Variants in ABL2 observed in about 807,000 individuals in gnomAD.
ABL2 encodes tyrosine-protein kinase ABL2.
A neutral mutation model predicts 107.7 loss-of-function variants in ABL2; 49 were observed. The ratio of observed to expected loss-of-function variants is 0.45; its 90% CI spans 0.36 to 0.58. ABL2 has a LOEUF of 0.58. Among genes scored for constraint, ABL2 ranks in the 20% least tolerant of loss-of-function variants. The pLI, the probability that ABL2 is intolerant of heterozygous loss-of-function variation, is 0.00. For missense variants in ABL2, 1,245 were observed against 1,457.0 expected, an observed-to-expected ratio of 0.85 and a Z score of 2.37; for synonymous variants, 549 against 548.6, an observed-to-expected ratio of 1.00 and a Z score of -0.01.
Position 179,229,565 on chromosome 1 carries a change from C to T in ABL2, c.-168G>A, listed in dbSNP as rs936617497. ...GCACCCGGCCTCCTCACGGCAGCCGCCGCGCTGCCTCCAGGCGACTCACAG... is the reference window on the plus strand; with the variant it reads ...GCACCCGGCCTCCTCACGGCAGCCGTCGCGCTGCCTCCAGGCGACTCACAG... On this transcript the variant is annotated 5_prime_UTR_variant, in exon 1 of 12. Coordinates refer to ENST00000502732, the MANE Select transcript of ABL2 (RefSeq NM_007314.4). 6.4e-6 allele frequency: 4 copies of T among 626,428 alleles called. No individual in the cohort carries two copies. The highest frequency in any genetic ancestry group is 7.5e-6 in the Non-Finnish European group (3 of 400,880). 38.8% of individuals were successfully genotyped at this position (626,428 alleles called of 1,614,324 possible). A position where few individuals can be genotyped will look rare whatever the true frequency, so the allele number is the denominator to read the frequency against.
intron 1 of ABL2, among the ~76,000 whole-genome samples, chr1:179,208,140 T>C (rs923539142): frequency 2.4e-4 from 37 of 152,196 alleles, no homozygotes; most frequent in Non-Finnish European, 2.9e-4. Flanking sequence ...AAGTGAATTG[T>C]ATATGTTATA....
In ABL2 at chr1:179,126,276, T is replaced by A; in HGVS notation, c.687+101A>T. 7.4e-7 allele frequency: 1 copy of A among 1,343,860 alleles called. No homozygotes were observed. The highest frequency in any genetic ancestry group is 1.5e-5 in the South Asian group (1 of 68,426). 83.2% of individuals were successfully genotyped at this position (1,343,860 alleles called of 1,614,324 possible). A position where few individuals can be genotyped will look rare whatever the true frequency, so the allele number is the denominator to read the frequency against. ...TCACAAAGCTAGTGAATATTTTATT[T>A]CACGTCAGACATAAAATCTATTATT... On this transcript the variant is annotated intron_variant, in intron 4 of 11. Coordinates refer to ENST00000502732, the MANE Select transcript of ABL2 (RefSeq NM_007314.4). The surrounding 1 kb of genome is among the most constrained non-coding windows in gnomAD (Gnocchi z 4.4).
chr1:179,188,793 T>C (rs1660832253), intron 1 of ABL2, among the ~76,000 whole-genome samples: 1 of 152,126 alleles, frequency 6.6e-6, no homozygotes, highest in Admixed American at 6.5e-5. Context: ...AATGTCTGAC[T>C]CTAGAATCCA....
intron 1 of ABL2, 55 bp from the exon 2 acceptor site, chr1:179,133,429 A>T: frequency 6.2e-7 from 1 of 1,613,676 alleles, no homozygotes; most frequent in East Asian, 2.2e-5. Context: ...TCAATAGTTT[A>T]ACATCAAGCT....
At chr1:179,135,396 T>G (rs1271280508) in intron 1 of ABL2, among the ~76,000 whole-genome samples, 1 of 143,768 alleles carries the variant, frequency 7.0e-6, no homozygotes. Flanking sequence ...CCGTCCGGGA[T>G]GTGAGAAGCG....
chr1:179,109,384 C>T lies in ABL2; in HGVS notation c.1883G>A (p.Arg628Lys), dbSNP rs1653820302. 3.1e-6 allele frequency: 5 copies of T among 1,614,084 alleles called. No individual in the cohort carries two copies. The highest frequency in any genetic ancestry group is 4.2e-6 in the Non-Finnish European group (5 of 1,180,014). ...CAAGAGGCTGCTGGGTGACTTGTCT[C>T]TTTGCTTTCGAGGCAGTGCTGGGGA... is the stretch of plus-strand genomic sequence containing the variant. Reference protein sequence around the residue: ...SGSPALPRKQRDKSPSSLLED... With the variant: ...SGSPALPRKQKDKSPSSLLED... The change falls in exon 12 of 12, where the codon AGA (arginine) becomes AAA (lysine). Residue 628 changes from arginine to lysine, a missense_variant. Arg to Lys is a conservative substitution (Grantham distance 26). Around this residue, in one of 3 missense-constraint regions of ABL2, gnomAD observed 761 missense variants for 766.4 expected, o/e 0.99. Transcript: ENST00000502732.
intron 6 of ABL2, among the ~76,000 whole-genome samples, chr1:179,119,842 T>C (rs1193505968): frequency 6.6e-6 from 1 of 152,232 alleles, no homozygotes; most frequent in African/African-American, 2.4e-5. Flanking sequence ...TGAGCAGTTT[T>C]ATACACCAAA....
intron 1 of ABL2, among the ~76,000 whole-genome samples, chr1:179,139,405 G>A (rs1657363027): frequency 1.3e-5 from 2 of 152,030 alleles, no homozygotes. Flanking sequence ...GAACACATCT[G>A]AACATCAGAA....
At chr1:179,111,281 C>CTTTT (rs748453531) in intron 10 of ABL2, among the ~76,000 whole-genome samples, 63 of 82,226 alleles carry the variant, frequency 7.7e-4, no homozygotes, top group African/African-American at 1.0e-3. Context: ...AGTGCTCAGT[C>CTTTT]TTTTTTTTTT....
chr1:179,182,794 G>A (rs1197504799), intron 1 of ABL2, among the ~76,000 whole-genome samples: 1 of 152,096 alleles, frequency 6.6e-6, no homozygotes, highest in African/African-American at 2.4e-5. Context: ...AGTATGCAGT[G>A]TTAGTGGAAA....
At chr1:179,137,815 A>C (rs1321746841) in intron 1 of ABL2, 1 of 152,222 alleles carries the variant, frequency 6.6e-6, no homozygotes, top group Non-Finnish European at 1.5e-5. Flanking sequence ...CAAGAACTGG[A>C]TTTCCACAGT....
At chr1:179,208,007 T>C (rs758621088) in intron 1 of ABL2, among the ~76,000 whole-genome samples, 8 of 152,164 alleles carry the variant, frequency 5.3e-5, no homozygotes, top group Non-Finnish European at 1.0e-4. Flanking sequence ...ATAGCAGTTA[T>C]CTACTTTCCC....
At chr1:179,124,337 T>TA (rs1303050155) in intron 4 of ABL2, among the ~76,000 whole-genome samples, 1 of 152,088 alleles carries the variant, frequency 6.6e-6, no homozygotes, top group Non-Finnish European at 1.5e-5. Flanking sequence ...CTCACCCATG[T>TA]AAACATCACC....
chr1:179,110,325 C>T lies in ABL2; in HGVS notation c.1782G>A (p.Gly594=). The T allele has an allele frequency of 6.2e-7, 1 of 1,614,142 alleles. No individual in the cohort carries two copies. Among genetic ancestry groups the T allele is most frequent in the Non-Finnish European group, 8.5e-7 (1 of 1,180,020 alleles). Residue 594 remains glycine, a synonymous_variant, in exon 11 of 12, where the codon GGG becomes GGA. Transcript: ENST00000502732. ...KQVENKENIE[G]AQDATENSAS... ...CAGAATTTTCTGTGGCATCTTGTGC[C>T]CCTTCAATGTTCTCCTTGTTCTCCA...
intron 1 of ABL2, among the ~76,000 whole-genome samples, chr1:179,201,022 T>C (rs944912278): frequency 1.3e-5 from 2 of 152,172 alleles, no homozygotes; most frequent in Non-Finnish European, 2.9e-5. Context: ...GAAAGAAAGG[T>C]GTTCTCTATA....
chr1:179,138,918 G>A lies in ABL2; in HGVS notation c.158-5544C>T, dbSNP rs572343411. Reference sequence around the variant, plus strand: ...AGTTCCGGGTGGGCGTGGGCTTGGCGGGCCCCGCACTCACACTCGGAGCAG... The same window carrying A: ...AGTTCCGGGTGGGCGTGGGCTTGGCAGGCCCCGCACTCACACTCGGAGCAG... On this transcript the variant is annotated intron_variant, in intron 1 of 11. Transcript: ENST00000502732. Among the ~76,000 whole-genome samples the A allele has an allele frequency of 7.2e-5, 11 of 152,304 alleles. No homozygotes were observed. The East Asian group carries it at 9.7e-4, about 13-fold the overall frequency.
chr1:179,168,668 T>G (rs1314727360), intron 1 of ABL2, among the ~76,000 whole-genome samples: 1 of 152,190 alleles, frequency 6.6e-6, no homozygotes, highest in African/African-American at 2.4e-5. Flanking sequence ...ATGCACAGAT[T>G]TATGGACTCA....
rs1278608667 is a variant in ABL2 at position 179,121,935 on chromosome 1, T to C, written c.688-68A>G. On this transcript the variant is annotated intron_variant, in intron 4 of 11. Transcript: ENST00000502732. The stretch of plus-strand genomic sequence containing the variant: ...TAAGAATTTTTTTTTTTTTTTTTTT[T>C]TTTTTTTTGAGATGGAGTCTTGTTC... 49 of 1,375,734 alleles carry C rather than the reference T, an allele frequency of 3.6e-5. 1 individual carries two copies. The highest frequency in any genetic ancestry group is 4.7e-5 in the Non-Finnish European group (49 of 1,046,746). 85.2% of individuals were successfully genotyped at this position (1,375,734 alleles called of 1,614,324 possible). A position where few individuals can be genotyped will look rare whatever the true frequency, so the allele number is the denominator to read the frequency against.
Position 179,229,534 on chromosome 1 carries a change from G to T in ABL2, c.-137C>A. 1 of 910,738 alleles carries T rather than the reference G, an allele frequency of 1.1e-6. No homozygotes were observed. The highest frequency in any genetic ancestry group is 1.5e-6 in the Non-Finnish European group (1 of 665,056). 56.4% of individuals were successfully genotyped at this position (910,738 alleles called of 1,614,324 possible). On this transcript the variant is annotated 5_prime_UTR_variant, in exon 1 of 12. Coordinates refer to ENST00000502732, the MANE Select transcript of ABL2 (RefSeq NM_007314.4). ...GGCCCTGAGTGGCTGGGCCACCGGC[G>T]GCTCCGCACCCGGCCTCCTCACGGC...
Sources: gnomAD v4.1 joint callset for allele counts (sites outside exome capture counted in the v4.1 genomes callset) on GRCh38, gnomAD v4.1.1 for gene constraint, gnomAD v4.1.1 regional missense constraint, Gnocchi (gnomAD v3.1) non-coding constraint, MANE v1.5 for transcripts, NCBI Gene and HGNC (gene_info 2026-07-23, HGNC 2026-07-21) for gene names.